Variants in PDE4B observed in about 807,000 individuals in gnomAD.
PDE4B encodes 3',5'-cyclic-AMP phosphodiesterase 4B.
Under a neutral mutation model 82.2 loss-of-function variants are expected in PDE4B, and 20 were observed. The observed-to-expected ratio is 0.24, with a 90% CI of 0.17 to 0.35. PDE4B has a LOEUF of 0.35. Ranked by LOEUF, PDE4B falls within the 10% of genes least tolerant of loss-of-function variation. PDE4B has a pLI of 1.00. For synonymous variants in PDE4B, 320 were observed against 318.9 expected (o/e 1.00, Z -0.04); for missense variants, 655 against 907.2 (o/e 0.72, Z 3.57).
At chr1:65,926,342 AAACTTTCATAGC>A (rs1396581330) in intron 3 of PDE4B, among the ~76,000 whole-genome samples, 1 of 152,172 alleles carries the variant, frequency 6.6e-6, no homozygotes, top group African/African-American at 2.4e-5. Flanking sequence ...ATATTACAGA[AAACTTTCATAGC>A]TACTTGCTAT....
chr1:66,254,462 T>G (rs1002166176), intron 4 of PDE4B, among the ~76,000 whole-genome samples: 1 of 152,224 alleles, frequency 6.6e-6, no homozygotes, highest in African/African-American at 2.4e-5. Flanking sequence ...CCTATTTATA[T>G]GTACCCCCAC....
intron 3 of PDE4B, among the ~76,000 whole-genome samples, chr1:66,010,426 A>G (rs924070878): frequency 2.0e-5 from 3 of 151,940 alleles, no homozygotes; most frequent in African/African-American, 7.2e-5. Context: ...TTGTGATTAC[A>G]TTGTTTACTA....
chr1:66,304,176 G>A (rs1354217930), intron 7 of PDE4B, among the ~76,000 whole-genome samples: 1 of 152,104 alleles, frequency 6.6e-6, no homozygotes, highest in East Asian at 1.9e-4. Flanking sequence ...AATCTTGTCA[G>A]TGAGGTCATT....
At chr1:66,200,487 G>A (rs1422503775) in intron 3 of PDE4B, among the ~76,000 whole-genome samples, 1 of 152,178 alleles carries the variant, frequency 6.6e-6, no homozygotes, top group Admixed American at 6.5e-5. Context: ...AGCATGGAAT[G>A]TTCTTCCATT....
At chr1:65,852,087 C>T (rs962214503) in intron 1 of PDE4B, among the ~76,000 whole-genome samples, 1 of 151,802 alleles carries the variant, frequency 6.6e-6, no homozygotes, top group African/African-American at 2.4e-5. Flanking sequence ...GGTATATTAT[C>T]CCTTTTTTGT....
intron 3 of PDE4B, among the ~76,000 whole-genome samples, chr1:65,971,215 C>T (rs575940316): frequency 2.6e-4 from 39 of 151,816 alleles, no homozygotes; most frequent in Non-Finnish European, 3.7e-4. Flanking sequence ...AGTGACTAGA[C>T]GCTAGGCAAT....
chr1:66,052,072 C>G (rs1018042601), intron 3 of PDE4B, among the ~76,000 whole-genome samples: 3 of 152,136 alleles, frequency 2.0e-5, no homozygotes, highest in Admixed American at 1.3e-4. Context: ...TCATCCCTTT[C>G]ATGTTGTTGA....
chr1:66,164,830 C>T (rs1471597697), intron 3 of PDE4B, among the ~76,000 whole-genome samples: 2 of 142,596 alleles, frequency 1.4e-5, no homozygotes, highest in African/African-American at 2.6e-5. Context: ...GCAATCTCAG[C>T]TTACTGCAAG....
At chr1:66,342,804 G>T (rs1661102172) in intron 8 of PDE4B, among the ~76,000 whole-genome samples, 1 of 151,670 alleles carries the variant, frequency 6.6e-6, no homozygotes, top group African/African-American at 2.4e-5. Flanking sequence ...AAAACTCTGG[G>T]AGCCCTAAGA....
At chr1:65,871,442 T>G (rs1022644424) in intron 1 of PDE4B, among the ~76,000 whole-genome samples, 13 of 152,228 alleles carry the variant, frequency 8.5e-5, no homozygotes, top group African/African-American at 3.1e-4. Context: ...CCTTACTAGC[T>G]TTGGGACCCA....
At chr1:65,990,134 G>A (rs896254381) in intron 3 of PDE4B, among the ~76,000 whole-genome samples, 1 of 151,846 alleles carries the variant, frequency 6.6e-6, no homozygotes, top group Non-Finnish European at 1.5e-5. Context: ...TCTTTACTTG[G>A]GAACTTGGCT....
At chr1:66,355,363 A>G (rs1029930037) in intron 8 of PDE4B, 164 bp from the exon 9 acceptor site, 13 of 443,670 alleles carry the variant, frequency 2.9e-5, no homozygotes, top group Admixed American at 8.2e-5. Context: ...GTGACGTTGG[A>G]ATAATTTCAA....
At chr1:65,999,261 T>A (rs760395545) in intron 3 of PDE4B, among the ~76,000 whole-genome samples, 9 of 152,202 alleles carry the variant, frequency 5.9e-5, no homozygotes, top group Non-Finnish European at 1.3e-4. Context: ...TTCTCTAACA[T>A]CACTGTCAAT....
intron 3 of PDE4B, among the ~76,000 whole-genome samples, chr1:65,955,144 T>A (rs540244113): frequency 6.6e-6 from 1 of 152,198 alleles, no homozygotes; most frequent in East Asian, 1.9e-4. Context: ...GAGGGCAGAA[T>A]TGAGTAAATA....
At chr1:66,075,083 T>C (rs1003301621) in intron 3 of PDE4B, among the ~76,000 whole-genome samples, 3 of 152,018 alleles carry the variant, frequency 2.0e-5, no homozygotes, top group Non-Finnish European at 4.4e-5. Context: ...TGTTGTTTCT[T>C]GTAGAGGAGG....
intron 7 of PDE4B, among the ~76,000 whole-genome samples, chr1:66,271,488 C>A (rs1205818679): frequency 6.6e-6 from 1 of 152,188 alleles, no homozygotes; most frequent in African/African-American, 2.4e-5. Context: ...CTCCCAGAGG[C>A]AAATCGCTGC....
intron 1 of PDE4B, among the ~76,000 whole-genome samples, chr1:65,854,070 CAAT>C (rs1209410239): frequency 1.4e-5 from 2 of 145,828 alleles, no homozygotes; most frequent in Non-Finnish European, 3.1e-5. Flanking sequence ...AGAAAGTTGG[CAAT>C]ATGCTTATCA....
intron 3 of PDE4B, among the ~76,000 whole-genome samples, chr1:66,032,214 T>C (rs2100801389): frequency 6.6e-6 from 1 of 152,378 alleles, no homozygotes. Flanking sequence ...ATTTGGCATG[T>C]ATTGTTACTT....
chr1:66,260,533 T>C (rs148425278), intron 6 of PDE4B, among the ~76,000 whole-genome samples: 1 of 152,310 alleles, frequency 6.6e-6, no homozygotes, highest in East Asian at 1.9e-4. Context: ...GGGATTAATA[T>C]GGACACATTT....
Sources: allele counts gnomAD v4.1 joint callset (sites outside exome capture counted in the v4.1 genomes callset), GRCh38; gene constraint gnomAD v4.1.1; transcripts MANE v1.5; gene names NCBI Gene and HGNC (gene_info 2026-07-23, HGNC 2026-07-21).